Variants in TUSC3 observed in about 807,000 individuals in gnomAD.
TUSC3 encodes the protein tumor suppressor candidate 3.
Under a neutral mutation model 44.8 loss-of-function variants are expected in TUSC3, and 45 were observed. That is an observed-to-expected ratio of 1.00 (90% CI 0.79 to 1.29). The LOEUF (loss-of-function observed/expected upper bound fraction) is 1.29, where lower values mean the gene tolerates loss of function less well. Among genes scored for constraint, TUSC3 ranks in the 50% most tolerant of loss-of-function variants. The pLI is 0.00. For synonymous variants in TUSC3, 212 were observed against 152.9 expected (o/e 1.39, Z -2.85); for missense variants, 519 against 437.9 (o/e 1.19, Z -1.65).
At chr8:15,632,806 T>G (rs575845094) in intron 2 of TUSC3, among the ~76,000 whole-genome samples, 8 of 152,348 alleles carry the variant, frequency 5.3e-5, no homozygotes, top group East Asian at 1.9e-4. Flanking sequence ...TTACTAGGAT[T>G]ATTCTTCTTC....
chr8:15,420,355 C>A (rs185960729), intron 1 of TUSC3, among the ~76,000 whole-genome samples: 1 of 152,022 alleles, frequency 6.6e-6, no homozygotes, highest in African/African-American at 2.4e-5. Flanking sequence ...AAAAATTAGC[C>A]GGGCATGGTG....
intron 1 of TUSC3, among the ~76,000 whole-genome samples, chr8:15,473,063 G>A (rs1183397650): frequency 6.6e-6 from 1 of 152,114 alleles, no homozygotes; most frequent in East Asian, 1.9e-4. Context: ...GAAGTTGGAT[G>A]GAAAATATCT....
intron 1 of TUSC3, among the ~76,000 whole-genome samples, chr8:15,605,387 C>T (rs149528212): frequency 4.0e-4 from 61 of 151,996 alleles, no homozygotes; most frequent in African/African-American, 1.4e-3. Flanking sequence ...AATTTCAAAT[C>T]ACATGATTCA....
intron 1 of TUSC3, among the ~76,000 whole-genome samples, chr8:15,419,110 C>T (rs563522196): frequency 1.3e-5 from 2 of 152,206 alleles, no homozygotes; most frequent in Non-Finnish European, 2.9e-5. Flanking sequence ...CAAGTAACCC[C>T]TTTGACCTTG....
At chr8:15,735,523 G>T (rs1452168517) in intron 7 of TUSC3, among the ~76,000 whole-genome samples, 1 of 152,092 alleles carries the variant, frequency 6.6e-6, no homozygotes, top group Non-Finnish European at 1.5e-5. Context: ...GAAGAGTCAA[G>T]AACTTAAAAC....
At chr8:15,602,862 GAAAAGT>G (rs1804349336) in intron 1 of TUSC3, among the ~76,000 whole-genome samples, 1 of 151,162 alleles carries the variant, frequency 6.6e-6, no homozygotes, top group East Asian at 1.9e-4. Flanking sequence ...GTGATCCATG[GAAAAGT>G]AAAAGTAGAT....
At chr8:15,655,676 G>A (rs1807129063) in intron 3 of TUSC3, among the ~76,000 whole-genome samples, 1 of 152,118 alleles carries the variant, frequency 6.6e-6, no homozygotes, top group African/African-American at 2.4e-5. Flanking sequence ...ACCCTCAGAT[G>A]AATTCTTTCC....
chr8:15,806,345 T>G, the TUSC3 span: 1 of 729,376 alleles, frequency 1.4e-6, no homozygotes, highest in South Asian at 1.3e-5. Context: ...TTATGATTTC[T>G]TCTACTCTGC....
At chr8:15,448,132 T>TATATATATATATATATATATATATATATA (rs1554502647) in intron 1 of TUSC3, among the ~76,000 whole-genome samples, 2 of 144,648 alleles carry the variant, frequency 1.4e-5, no homozygotes, top group Admixed American at 7.0e-5. Context: ...TATTTATTTA[T>TATATATATATATATATATATATATATATA]TTTTTAGATG....
chr8:15,551,081 G>A (rs1468320156), intron 1 of TUSC3, among the ~76,000 whole-genome samples: 1 of 151,804 alleles, frequency 6.6e-6, no homozygotes, highest in African/African-American at 2.4e-5. Context: ...TGGAGCAGCA[G>A]TTGTCCTCAA....
At chr8:15,802,139 T>G in the TUSC3 span, among the ~76,000 whole-genome samples, 1 of 152,156 alleles carries the variant, frequency 6.6e-6, no homozygotes, top group Non-Finnish European at 1.5e-5. Flanking sequence ...GAAAGAGGGA[T>G]GCCCGAGACT....
At chr8:15,422,303 T>C (rs1044275309) in intron 1 of TUSC3, among the ~76,000 whole-genome samples, 4 of 152,186 alleles carry the variant, frequency 2.6e-5, no homozygotes, top group South Asian at 2.1e-4. Context: ...TCCTATTCTA[T>C]TACATTATGT....
chr8:15,500,113 C>T (rs889198896), intron 2 of TUSC3, among the ~76,000 whole-genome samples: 8 of 152,108 alleles, frequency 5.3e-5, no homozygotes, highest in Non-Finnish European at 8.8e-5. Flanking sequence ...GACTGTCTTT[C>T]ATTGTTGCCA....
At chr8:15,764,175 G>A (rs1812261629) in intron 10 of TUSC3, 28 bp from the exon 11 acceptor site, 2 of 1,584,242 alleles carry the variant, frequency 1.3e-6, no homozygotes, top group East Asian at 2.2e-5. Flanking sequence ...TCTATGTTCA[G>A]CACATAATAA....
the TUSC3 span, among the ~76,000 whole-genome samples, chr8:15,788,762 A>G: frequency 6.6e-6 from 1 of 152,224 alleles, no homozygotes; most frequent in Admixed American, 6.5e-5. Flanking sequence ...TTCTCAGGAA[A>G]CAGGGCTTAA....
At chr8:15,789,020 T>G in the TUSC3 span, among the ~76,000 whole-genome samples, 1 of 152,206 alleles carries the variant, frequency 6.6e-6, no homozygotes, top group Non-Finnish European at 1.5e-5. Flanking sequence ...CCCTCAGGCT[T>G]AGCTTCACAT....
At chr8:15,750,448 C>G (rs1357578169) in intron 9 of TUSC3, among the ~76,000 whole-genome samples, 4 of 151,912 alleles carry the variant, frequency 2.6e-5, no homozygotes, top group Non-Finnish European at 4.4e-5. Context: ...AAATATTTTA[C>G]TAGTTTTTTA....
chr8:15,786,604 C>T, the TUSC3 span, among the ~76,000 whole-genome samples: 3 of 152,082 alleles, frequency 2.0e-5, no homozygotes, highest in East Asian at 1.9e-4. Context: ...CATACAAACA[C>T]GCATGCAGGT....
the TUSC3 span, among the ~76,000 whole-genome samples, chr8:15,783,811 A>G: frequency 1.3e-5 from 2 of 152,170 alleles, no homozygotes. Context: ...AATTTCTTGG[A>G]TATAACTCCA....
Sources: gnomAD v4.1 joint callset for allele counts (sites outside exome capture counted in the v4.1 genomes callset) on GRCh38, gnomAD v4.1.1 for gene constraint, MANE v1.5 for transcripts, NCBI Gene and HGNC (gene_info 2026-07-23, HGNC 2026-07-21) for gene names.